The following UHRF2 variants were observed in gnomAD, a reference collection of about 807,000 sequenced individuals.
UHRF2 encodes the protein ubiquitin like with PHD and ring finger domains 2, also known as E3 ubiquitin-protein ligase UHRF2.
UHRF2 carries 23 observed loss-of-function variants against 96.8 expected under a neutral mutation model. The ratio of observed to expected loss-of-function variants is 0.24; its 90% CI spans 0.17 to 0.34. UHRF2 has a LOEUF of 0.34. Among genes scored for constraint, UHRF2 ranks in the 10% least tolerant of loss-of-function variants. The probability of loss-of-function intolerance (pLI) is 1.00; values close to 1 mark genes in which losing one functional copy is unlikely to be tolerated. For missense variants in UHRF2, 685 were observed against 981.5 expected (o/e 0.70, Z 4.04); for synonymous variants, 385 against 332.6 (o/e 1.16, Z -1.72).
intron 1 of UHRF2, among the ~76,000 whole-genome samples, chr9:6,420,706 CAAAAA>C (rs879041284): frequency 2.8e-5 from 2 of 70,796 alleles, no homozygotes; most frequent in African/African-American, 5.3e-5. Context: ...GACACCGTCT[CAAAAA>C]AAAAAAAAAA....
At chr9:6,485,305 G>T (rs1277629178) in intron 8 of UHRF2, among the ~76,000 whole-genome samples, 1 of 151,876 alleles carries the variant, frequency 6.6e-6, no homozygotes, top group African/African-American at 2.4e-5. Flanking sequence ...ATTTCTAATT[G>T]CCTTATTTTT....
At chr9:6,413,841 A>T in intron 1 of UHRF2, 198 bp downstream of exon 1, 2 of 583,756 alleles carry the variant, frequency 3.4e-6, no homozygotes, top group Non-Finnish European at 5.2e-6. Context: ...TGCCAGCCCC[A>T]ACTGGAGGTG....
rs750168737 is a variant in UHRF2, at chr9:6,506,386, C to G, written c.*207C>G. On this transcript the variant is annotated 3_prime_UTR_variant, in exon 16 of 16. Coordinates refer to ENST00000276893, the MANE Select transcript of UHRF2 (RefSeq NM_152896.3). ...AAATATCTAAAGGTAGTTCCTGTAA[C>G]AACTAGTTTTAATGAGTAAAAAGTC... 20 of 530,276 alleles carry G rather than the reference C, an allele frequency of 3.8e-5. No individual in the cohort carries two copies. The highest frequency in any genetic ancestry group is 6.1e-5 in the Non-Finnish European group (20 of 327,178). The allele number at this position is 530,276 out of a possible 1,614,324, so 32.8% of individuals were successfully genotyped here.
chr9:6,483,783 G>A (rs568314696), intron 8 of UHRF2, among the ~76,000 whole-genome samples: 5 of 152,226 alleles, frequency 3.3e-5, no homozygotes, highest in Admixed American at 6.5e-5. Context: ...TCTACCTCCC[G>A]GGTTCAAGCA....
chr9:6,426,436 T>G (rs1404141765), intron 2 of UHRF2, among the ~76,000 whole-genome samples: 1 of 152,226 alleles, frequency 6.6e-6, no homozygotes, highest in African/African-American at 2.4e-5. Flanking sequence ...GTAATAAAAT[T>G]CTCAGAAGGT....
chr9:6,428,093 A>G (rs1239532049), intron 2 of UHRF2, among the ~76,000 whole-genome samples: 1 of 152,240 alleles, frequency 6.6e-6, no homozygotes, highest in African/African-American at 2.4e-5. Context: ...TTAGCTGAGC[A>G]TGTGGCACTG....
rs1012278935 is a variant in UHRF2, at chr9:6,413,755, T to G, written c.153+112T>G. 1.8e-5 allele frequency: 23 copies of G among 1,263,292 alleles called. No homozygotes were observed. In the African/African-American group the frequency reaches 3.6e-4, roughly 20 times the overall value. The allele number at this position is 1,263,292 out of a possible 1,614,324, so 78.3% of individuals were successfully genotyped here. ...GCCGCGCGCGCAGGGCTCACCTGGC[T>G]CCGCTGCGGGTGGGCAGCCCCCGCG... On this transcript the variant is annotated intron_variant, in intron 1 of 15. Coordinates refer to ENST00000276893, the MANE Select transcript of UHRF2 (RefSeq NM_152896.3).
intron 2 of UHRF2, chr9:6,422,585 A>G (rs1198958971): frequency 3.6e-6 from 2 of 549,342 alleles, no homozygotes; most frequent in Non-Finnish European, 3.4e-6. Flanking sequence ...CATGAACATT[A>G]AAAGACTTGA....
At chr9:6,497,109 GTA>G (rs1317905156) in intron 10 of UHRF2, 87 bp from the exon 11 acceptor site, 39 of 1,155,288 alleles carry the variant, frequency 3.4e-5, no homozygotes, top group Non-Finnish European at 4.4e-5. Flanking sequence ...ATCAGGTAAG[GTA>G]TAATTCACCT....
intron 4 of UHRF2, among the ~76,000 whole-genome samples, chr9:6,469,709 T>TATATAC (rs1823112312): frequency 6.6e-6 from 1 of 150,438 alleles, no homozygotes; most frequent in African/African-American, 2.4e-5. Flanking sequence ...TACATACATA[T>TATATAC]ACACACATAT....
chr9:6,499,851 C>A lies in UHRF2; in HGVS notation c.1925C>A (p.Pro642His), dbSNP rs748421705. ...CCCCATCAGTATCCAGCAGGTTACC[C>A]TTCAGATAAAGAAGGGAAGAAGCCT... ...CLRLQYPAGYPSDKEGKKPKG... is the reference protein window; with the variant it reads ...CLRLQYPAGYHSDKEGKKPKG... Residue 642 changes from proline to histidine, a missense_variant, in exon 13 of 16, where the codon CCT becomes CAT. Transcript: ENST00000276893. The A allele has an allele frequency of 1.2e-6, 2 of 1,601,240 alleles. No individual in the cohort carries two copies. Among genetic ancestry groups the A allele is most frequent in the East Asian group, 2.3e-5 (1 of 43,522 alleles).
intron 14 of UHRF2, 61 bp downstream of exon 14, chr9:6,500,770 T>C: frequency 2.0e-6 from 3 of 1,479,350 alleles, no homozygotes. Context: ...AATAATTGTC[T>C]CATGAAGTCT....
rs1265484433 is a variant in UHRF2, at chr9:6,413,248, G to A, written c.-243G>A. On this transcript the variant is annotated 5_prime_UTR_variant, in exon 1 of 16. Transcript: ENST00000276893. Reference sequence around the variant, plus strand: ...AGACATGGCCTCTTCCTATCTTTGAGGCGGTGTCTGCGGCAGCGCCTCAGA... The same window carrying A: ...AGACATGGCCTCTTCCTATCTTTGAAGCGGTGTCTGCGGCAGCGCCTCAGA... 2 of 191,054 alleles carry A rather than the reference G, an allele frequency of 1.0e-5. No homozygotes were observed. The highest frequency in any genetic ancestry group is 2.1e-5 in the Non-Finnish European group (2 of 94,534). 11.8% of individuals were successfully genotyped at this position (191,054 alleles called of 1,614,324 possible). A position where few individuals can be genotyped will look rare whatever the true frequency, so the allele number is the denominator to read the frequency against.
chr9:6,485,128 G>C (rs1259000306), intron 8 of UHRF2, among the ~76,000 whole-genome samples: 1 of 151,964 alleles, frequency 6.6e-6, no homozygotes, highest in East Asian at 1.9e-4. Flanking sequence ...GAAACATTTA[G>C]TTTAATACTC....
chr9:6,492,340 C>G, intron 9 of UHRF2: 2 of 1,234,500 alleles, frequency 1.6e-6, no homozygotes, highest in Non-Finnish European at 2.1e-6. Context: ...TGGAGTCTGT[C>G]CAGATACCGG....
intron 9 of UHRF2, among the ~76,000 whole-genome samples, chr9:6,487,182 CTTTTTTTTTTTTT>C (rs1171978950): frequency 2.9e-5 from 2 of 69,578 alleles, no homozygotes. Flanking sequence ...TTTTTTTTTC[CTTTTTTTTTTTTT>C]TTTTTTTTTT....
intron 4 of UHRF2, among the ~76,000 whole-genome samples, chr9:6,463,948 T>C (rs1376487475): frequency 6.6e-6 from 1 of 152,166 alleles, no homozygotes; most frequent in Non-Finnish European, 1.5e-5. Context: ...TTGTGTGCAT[T>C]AGTTTCTGTA....
At chr9:6,461,545 A>G (rs1206758399) in intron 4 of UHRF2, among the ~76,000 whole-genome samples, 2 of 150,860 alleles carry the variant, frequency 1.3e-5, no homozygotes, top group Admixed American at 1.3e-4. Flanking sequence ...CCTAACTTTT[A>G]TATTTTTAGT....
intron 11 of UHRF2, 151 bp from the exon 12 acceptor site, chr9:6,497,867 T>A (rs1416316332): frequency 1.6e-5 from 15 of 922,704 alleles, no homozygotes; most frequent in Admixed American, 5.7e-5. Flanking sequence ...CAAAACTGTT[T>A]TAGTGAATAT....
Sources: allele counts gnomAD v4.1 joint callset (sites outside exome capture counted in the v4.1 genomes callset), GRCh38; gene constraint gnomAD v4.1.1; transcripts MANE v1.5; gene names NCBI Gene and HGNC (gene_info 2026-07-23, HGNC 2026-07-21).